RALGAPA2: variants seen among roughly 807,000 people sequenced by gnomAD.
RALGAPA2 encodes ral GTPase-activating protein subunit alpha-2.
In RALGAPA2, 139 loss-of-function variants were observed where a neutral mutation model predicts 230.4. The ratio of observed to expected loss-of-function variants is 0.60; its 90% CI spans 0.53 to 0.69. The LOEUF (loss-of-function observed/expected upper bound fraction) is 0.69. Ranked by LOEUF, RALGAPA2 falls within the 30% of genes least tolerant of loss-of-function variation. RALGAPA2 has a pLI of 0.00. For missense variants in RALGAPA2, 2,163 were observed against 2,276.0 expected (o/e 0.95, Z 1.01); for synonymous variants, 847 against 837.8 (o/e 1.01, Z -0.19).
chr20:20,616,514 A>G (rs1338658290), intron 12 of RALGAPA2, among the ~76,000 whole-genome samples: 2 of 152,232 alleles, frequency 1.3e-5, no homozygotes, highest in African/African-American at 4.8e-5. Flanking sequence ...CCCTCAACAA[A>G]AAAAGGAAAA....
chr20:20,580,840 GC>G (rs2064963220), intron 20 of RALGAPA2, among the ~76,000 whole-genome samples: 3 of 152,168 alleles, frequency 2.0e-5, no homozygotes, highest in Non-Finnish European at 4.4e-5. Flanking sequence ...GATTTTGGAG[GC>G]AGTTTATTAT....
At chr20:20,492,651 C>A (rs553464711) in intron 36 of RALGAPA2, among the ~76,000 whole-genome samples, 1 of 152,244 alleles carries the variant, frequency 6.6e-6, no homozygotes, top group South Asian at 2.1e-4. Context: ...ATGTCCCTGG[C>A]GGTATGTGCA....
intron 26 of RALGAPA2, 128 bp downstream of exon 26, chr20:20,535,617 T>C (rs1013095455): frequency 2.1e-5 from 28 of 1,315,572 alleles, no homozygotes; most frequent in Non-Finnish European, 2.7e-5. Flanking sequence ...GCATCATTCT[T>C]CCTAGACTTT....
At position 20,518,037 on chromosome 20, in the gene RALGAPA2, G is replaced by A. The variant is rs550310680; in HGVS notation, c.4084+2880C>T. On this transcript the variant is annotated intron_variant, in intron 31 of 39. Transcript: ENST00000202677. ...TTAAGCTACTCAACGAGATCCCAGA[G>A]AAAGGTGAAAACCAACATAAATAAT... 3.2e-3 allele frequency among the ~76,000 whole-genome samples: 489 copies of A among 152,150 alleles called. 7 individuals are homozygous for A. Among genetic ancestry groups the A allele is most frequent in the African/African-American group, 0.012 (484 of 41,486 alleles).
chr20:20,521,246 C>T lies in RALGAPA2; in HGVS notation c.3901-146G>A, dbSNP rs771549136. 23 of 587,710 alleles carry T rather than the reference C, an allele frequency of 3.9e-5. No homozygotes were observed. The East Asian group carries it at 6.6e-4, about 17-fold the overall frequency. The allele number at this position is 587,710 out of a possible 1,614,324, so 36.4% of individuals were successfully genotyped here. On this transcript the variant is annotated intron_variant, in intron 30 of 39. Transcript: ENST00000202677. ...ATGACCACTCTTAAATATCTTCTTG[C>T]TATTAGCAAATTTATTTTGCTCCTT...
chr20:20,513,561 C>T (rs1223037834), intron 31 of RALGAPA2, among the ~76,000 whole-genome samples: 1 of 152,122 alleles, frequency 6.6e-6, no homozygotes, highest in African/African-American at 2.4e-5. Context: ...TGGCATCCAG[C>T]TGGTAAGAGT....
At chr20:20,683,208 G>T (rs978091983) in intron 1 of RALGAPA2, among the ~76,000 whole-genome samples, 4 of 152,134 alleles carry the variant, frequency 2.6e-5, no homozygotes, top group Admixed American at 2.6e-4. Flanking sequence ...GCTCTCCACG[G>T]CCCTGCCTGG....
At chr20:20,480,571 G>T (rs1266740036) in intron 36 of RALGAPA2, among the ~76,000 whole-genome samples, 2 of 152,188 alleles carry the variant, frequency 1.3e-5, no homozygotes, top group Non-Finnish European at 2.9e-5. Context: ...TCAGTGGGAA[G>T]AGGAAACTGA....
chr20:20,406,472 T>A (rs979205500), intron 38 of RALGAPA2, among the ~76,000 whole-genome samples: 2 of 152,134 alleles, frequency 1.3e-5, no homozygotes, highest in Admixed American at 1.3e-4. Flanking sequence ...GAAGGGATTA[T>A]GGGGGTAGAA....
chr20:20,672,253 G>C (rs1293315329), intron 3 of RALGAPA2, among the ~76,000 whole-genome samples: 1 of 152,076 alleles, frequency 6.6e-6, no homozygotes, highest in Non-Finnish European at 1.5e-5. Context: ...TGAAATCTGT[G>C]GTCATTCAGT....
chr20:20,550,865 C>A (rs888019429), intron 23 of RALGAPA2, among the ~76,000 whole-genome samples: 2 of 152,198 alleles, frequency 1.3e-5, no homozygotes, highest in Admixed American at 6.5e-5. Context: ...AAGAGAAGGA[C>A]TCTGAAGAGT....
rs572562162 is a variant in RALGAPA2 at position 20,659,606 on chromosome 20, A to T, written c.271-6019T>A. ...AGCTATATTTACATAATTGGAGTTA[A>T]TATGACTATAAAAAAGAGTATATTC... On this transcript the variant is annotated intron_variant, in intron 3 of 39. Transcript: ENST00000202677. The T allele has an allele frequency of 8.1e-5, 22 of 271,816 alleles. No individual in the cohort carries two copies. The East Asian group carries it at 1.7e-3, about 21-fold the overall frequency. 16.8% of individuals were successfully genotyped at this position (271,816 alleles called of 1,614,324 possible). A position where few individuals can be genotyped will look rare whatever the true frequency, so the allele number is the denominator to read the frequency against.
At chr20:20,490,846 GCATGAACACA>G (rs1308726554) in intron 36 of RALGAPA2, among the ~76,000 whole-genome samples, 2 of 141,838 alleles carry the variant, frequency 1.4e-5, no homozygotes, top group African/African-American at 5.3e-5. Context: ...GAAGAGGGAT[GCATGAACACA>G]CATGAACACA....
At position 20,531,787 on chromosome 20, in the gene RALGAPA2, G is replaced by T; in HGVS notation, c.3482C>A (p.Ala1161Asp). 6.3e-7 allele frequency: 1 copy of T among 1,598,428 alleles called. No homozygotes were observed. Among genetic ancestry groups the T allele is most frequent in the African/African-American group, 1.3e-5 (1 of 74,858 alleles). Residue 1161 changes from alanine to aspartate, a missense_variant, in exon 27 of 40, where the codon GCT (alanine) becomes GAT (aspartate). Ala to Asp is a moderately radical substitution (Grantham distance 126, BLOSUM62 -2). Coordinates refer to ENST00000202677, the MANE Select transcript of RALGAPA2 (RefSeq NM_020343.4). Reference sequence around the variant, plus strand: ...TATCCAGACCCCAAGGGAGCAAACAGCAATGCATCTTTTTAAAAAGAAGAA... The same window carrying T: ...TATCCAGACCCCAAGGGAGCAAACATCAATGCATCTTTTTAAAAAGAAGAA... Reference protein sequence around the residue: ...EEPNEYARCIAVCSLGVWICE... With the variant: ...EEPNEYARCIDVCSLGVWICE...
Position 20,512,673 on chromosome 20 carries a change from G to A in RALGAPA2, c.4696C>T (p.Arg1566Cys), listed in dbSNP as rs372317603. The change falls in exon 32 of 40, where the codon CGC becomes TGC. Residue 1566 changes from arginine (R) to cysteine (C), a missense_variant. Physicochemically the swap from Arg to Cys is radical, Grantham distance 180. Transcript: ENST00000202677. ...TACTCATCCTCTTGAGCATTTTGGC[G>A]CAAAATGACCTCAATGATTTCCTTC... ...QEKEIIEVIL[R>C]QNAQEDEYIQ... 4.6e-5 allele frequency: 75 copies of A among 1,613,806 alleles called. No homozygotes were observed. The highest frequency in any genetic ancestry group is 3.0e-4 in the South Asian group (27 of 91,084).
At chr20:20,641,909 C>A (rs1374649024) in intron 5 of RALGAPA2, among the ~76,000 whole-genome samples, 1 of 151,484 alleles carries the variant, frequency 6.6e-6, no homozygotes, top group East Asian at 1.9e-4. Flanking sequence ...CCAATAGAAG[C>A]CAAAATACAC....
Position 20,412,040 on chromosome 20 carries a change from G to A in RALGAPA2, c.5604C>T (p.Ser1868=), listed in dbSNP as rs770368801. The A allele has an allele frequency of 6.2e-7, 1 of 1,613,982 alleles. No individual in the cohort carries two copies. The highest frequency in any genetic ancestry group is 1.1e-5 in the South Asian group (1 of 91,070). Residue 1868 remains serine, a synonymous_variant, in exon 38 of 40, where the codon TCC becomes TCT. Transcript: ENST00000202677. ...GTAGACACTCACCCGTTCCGCTGAG[G>A]GAGTAGCTGGGAGAGGGAGAAAAGA... ...AQVFSPSPSY[S]LSGTD
intron 15 of RALGAPA2, among the ~76,000 whole-genome samples, chr20:20,604,140 T>C (rs2065746009): frequency 6.6e-6 from 1 of 152,230 alleles, no homozygotes; most frequent in Admixed American, 6.5e-5. Context: ...ACAATGGCAG[T>C]TCCCTGCAAC....
intron 34 of RALGAPA2, among the ~76,000 whole-genome samples, chr20:20,503,775 A>G (rs1215904861): frequency 6.6e-6 from 1 of 152,182 alleles, no homozygotes; most frequent in African/African-American, 2.4e-5. Flanking sequence ...TCCCACCTGT[A>G]TGTATAAATG....
Sources: gnomAD v4.1 joint callset for allele counts (sites outside exome capture counted in the v4.1 genomes callset) on GRCh38, gnomAD v4.1.1 for gene constraint, MANE v1.5 for transcripts, NCBI Gene and HGNC (gene_info 2026-07-23, HGNC 2026-07-21) for gene names.